Variants in GRIK4 observed in about 807,000 individuals in gnomAD.
GRIK4 encodes the protein glutamate receptor ionotropic, kainate 4.
In GRIK4, 40 loss-of-function variants were observed where a neutral mutation model predicts 104.9. The ratio of observed to expected loss-of-function variants is 0.38; its 90% CI spans 0.30 to 0.50. The LOEUF is 0.50. Among genes scored for constraint, GRIK4 ranks in the 20% least tolerant of loss-of-function variants. GRIK4 has a pLI of 0.93. For synonymous variants in GRIK4, 485 were observed against 524.9 expected, an observed-to-expected ratio of 0.92 and a Z score of 1.04; for missense variants, 1,047 against 1,308.1, an observed-to-expected ratio of 0.80 and a Z score of 3.08.
intron 8 of GRIK4, among the ~76,000 whole-genome samples, chr11:120,851,938 G>A (rs577205626): frequency 6.6e-6 from 1 of 152,196 alleles, no homozygotes; most frequent in East Asian, 1.9e-4. Flanking sequence ...GGATCTCTAC[G>A]TGCCTGAGGC....
At position 120,861,714 on chromosome 11, in the gene GRIK4, C is replaced by A. The variant is rs553056312; in HGVS notation, c.745-245C>A. ...ATGGCTTTTTTCTTTCTCTCTCTAG[C>A]TAGTGCATCTTGTATATAACTTGTG... On this transcript the variant is annotated intron_variant, in intron 8 of 20. Coordinates refer to ENST00000527524, the MANE Select transcript of GRIK4 (RefSeq NM_014619.5). 3.1e-4 allele frequency among the ~76,000 whole-genome samples: 47 copies of A among 152,282 alleles called. No homozygotes were observed. In the South Asian group the frequency reaches 4.1e-3, roughly 13 times the overall value.
chr11:120,544,622 A>G lies in GRIK4; in HGVS notation c.-159+32735A>G, dbSNP rs181794564. Reference sequence around the variant, plus strand: ...CTGGGATTACAGGCTAAAGAGTACTATTTGTTTTCAACCTGGACATTTCAG... The same window carrying G: ...CTGGGATTACAGGCTAAAGAGTACTGTTTGTTTTCAACCTGGACATTTCAG... On this transcript the variant is annotated intron_variant, in intron 1 of 20. Coordinates refer to ENST00000527524, the MANE Select transcript of GRIK4 (RefSeq NM_014619.5). Among the ~76,000 whole-genome samples the G allele has an allele frequency of 9.2e-5, 14 of 152,160 alleles. No individual in the cohort carries two copies. The East Asian group carries it at 2.3e-3, about 25-fold the overall frequency.
intron 1 of GRIK4, among the ~76,000 whole-genome samples, chr11:120,533,090 A>T (rs970877714): frequency 1.3e-5 from 2 of 152,150 alleles, no homozygotes; most frequent in African/African-American, 2.4e-5. Flanking sequence ...GTAAAATCAG[A>T]TGTGGCAGCA....
intron 1 of GRIK4, among the ~76,000 whole-genome samples, chr11:120,631,485 C>T (rs997615106): frequency 3.9e-5 from 6 of 152,068 alleles, no homozygotes; most frequent in Non-Finnish European, 7.4e-5. Flanking sequence ...GCCTCCGAGT[C>T]GATGGGAGCC....
chr11:120,649,453 C>G (rs1213764220), intron 1 of GRIK4, among the ~76,000 whole-genome samples: 1 of 152,234 alleles, frequency 6.6e-6, no homozygotes, highest in African/African-American at 2.4e-5. Flanking sequence ...GACAGGAGCT[C>G]TGTGTCTGTG....
At chr11:120,573,166 G>A (rs989775673) in intron 1 of GRIK4, among the ~76,000 whole-genome samples, 1 of 152,170 alleles carries the variant, frequency 6.6e-6, no homozygotes, top group Non-Finnish European at 1.5e-5. Context: ...TCACTGCTTG[G>A]GTTGAAGGAC....
At chr11:120,672,192 C>T (rs555259033) in intron 3 of GRIK4, among the ~76,000 whole-genome samples, 5 of 152,136 alleles carry the variant, frequency 3.3e-5, no homozygotes, top group African/African-American at 7.2e-5. Context: ...CTGAGGCAGG[C>T]GGATCATGAG....
chr11:120,942,006 A>G (rs1943737079), intron 14 of GRIK4, among the ~76,000 whole-genome samples: 1 of 152,392 alleles, frequency 6.6e-6, no homozygotes, highest in South Asian at 2.1e-4. Flanking sequence ...CCACATGCTT[A>G]TAAGTGAAAG....
At chr11:120,734,169 G>A (rs919788570) in intron 3 of GRIK4, among the ~76,000 whole-genome samples, 25 of 149,504 alleles carry the variant, frequency 1.7e-4, no homozygotes, top group African/African-American at 4.7e-4. Context: ...GCTCATTAAC[G>A]TTCTTTTCTT....
At chr11:120,679,587 T>C (rs554881411) in intron 3 of GRIK4, among the ~76,000 whole-genome samples, 1 of 152,234 alleles carries the variant, frequency 6.6e-6, no homozygotes, top group Admixed American at 6.5e-5. Flanking sequence ...AGCTGGGCAG[T>C]GCCAGGCCCA....
chr11:120,535,289 G>GC (rs2136083913), intron 1 of GRIK4, among the ~76,000 whole-genome samples: 17 of 90,346 alleles, frequency 1.9e-4, no homozygotes, highest in Admixed American at 1.6e-3. Context: ...GAAGAGGGAA[G>GC]GGGGGTGCAG....
At chr11:120,743,154 C>A (rs568693278) in intron 3 of GRIK4, among the ~76,000 whole-genome samples, 1 of 151,576 alleles carries the variant, frequency 6.6e-6, no homozygotes, top group East Asian at 1.9e-4. Context: ...TGCTTGAACC[C>A]AGGAGGCGGA....
chr11:120,637,641 A>T (rs1949415493), intron 1 of GRIK4, among the ~76,000 whole-genome samples: 1 of 152,098 alleles, frequency 6.6e-6, no homozygotes, highest in African/African-American at 2.4e-5. Flanking sequence ...CTTAGAGAAG[A>T]TTCATACCCA....
chr11:120,645,747 T>A (rs73576398), intron 1 of GRIK4, among the ~76,000 whole-genome samples: 5,942 of 152,284 alleles, frequency 0.039, 369 homozygotes, highest in African/African-American at 0.13. Context: ...GTTCCCTATC[T>A]GGCGCCCGCC....
chr11:120,874,862 C>T (rs1339730188), intron 10 of GRIK4, among the ~76,000 whole-genome samples: 2 of 152,148 alleles, frequency 1.3e-5, no homozygotes, highest in East Asian at 3.9e-4. Context: ...GGAATCTGAG[C>T]TCAAGTTAGC....
chr11:120,670,896 C>G (rs1950006195), intron 3 of GRIK4, among the ~76,000 whole-genome samples: 1 of 152,044 alleles, frequency 6.6e-6, no homozygotes, highest in Non-Finnish European at 1.5e-5. Context: ...TGATGTTCCC[C>G]TTCCTGTGCC....
chr11:120,736,760 T>TTCTC lies in GRIK4; in HGVS notation c.83-65914_83-65911dup, dbSNP rs55839928. On this transcript the variant is annotated intron_variant, in intron 3 of 20. Coordinates refer to ENST00000527524, the MANE Select transcript of GRIK4 (RefSeq NM_014619.5). ...GAATTTGAATTTTTAATTACATATA[T>TTCTC]TCTCTCTCTCTCTCTCTCTCTCCCC... 9.6e-4 allele frequency among the ~76,000 whole-genome samples: 143 copies of TTCTC among 149,226 alleles called. 1 individual carries two copies. Among genetic ancestry groups the TTCTC allele is most frequent in the African/African-American group, 3.2e-3 (131 of 40,746 alleles).
chr11:120,738,527 T>C (rs1013567970), intron 3 of GRIK4, among the ~76,000 whole-genome samples: 1 of 152,168 alleles, frequency 6.6e-6, no homozygotes, highest in Non-Finnish European at 1.5e-5. Flanking sequence ...CTGAAGTCCA[T>C]CACCGTTCAT....
At chr11:120,732,905 T>C (rs1173054497) in intron 3 of GRIK4, among the ~76,000 whole-genome samples, 2 of 152,240 alleles carry the variant, frequency 1.3e-5, no homozygotes, top group Non-Finnish European at 2.9e-5. Context: ...ATTTTCTTTT[T>C]GGAAGATCTG....
Sources: gnomAD v4.1 joint callset for allele counts (sites outside exome capture counted in the v4.1 genomes callset) on GRCh38, gnomAD v4.1.1 for gene constraint, MANE v1.5 for transcripts, NCBI Gene and HGNC (gene_info 2026-07-23, HGNC 2026-07-21) for gene names.